The following RBFOX1 variants were observed in gnomAD, a reference collection of about 807,000 sequenced individuals.
The protein encoded by RBFOX1 is RNA binding fox-1 homolog 1, also known as RNA binding protein fox-1 homolog 1.
A neutral mutation model predicts 57.7 loss-of-function variants in RBFOX1; 8 were observed. The ratio of observed to expected loss-of-function variants is 0.14; its 90% CI spans 0.08 to 0.25. The LOEUF (loss-of-function observed/expected upper bound fraction) is 0.25. RBFOX1 is among the 10% of genes least tolerant of loss of function. The pLI is 1.00. For missense variants in RBFOX1, 611 were observed against 548.5 expected (o/e 1.11, Z -1.14); for synonymous variants, 326 against 222.4 (o/e 1.47, Z -4.15).
chr16:7,146,296 C>T (rs539538562), intron 4 of RBFOX1, among the ~76,000 whole-genome samples: 1 of 152,296 alleles, frequency 6.6e-6, no homozygotes, highest in African/African-American at 2.4e-5. Flanking sequence ...AAAATGATAG[C>T]TCTGCTTGCT....
intron 4 of RBFOX1, among the ~76,000 whole-genome samples, chr16:7,326,326 A>G (rs1444128957): frequency 6.6e-6 from 1 of 152,098 alleles, no homozygotes; most frequent in Non-Finnish European, 1.5e-5. Flanking sequence ...GAGTGCTGGG[A>G]TTGGAGCAGG....
At chr16:7,454,323 T>C (rs1016544062) in intron 4 of RBFOX1, among the ~76,000 whole-genome samples, 1 of 152,206 alleles carries the variant, frequency 6.6e-6, no homozygotes, top group African/African-American at 2.4e-5. Context: ...GACAGAATGC[T>C]GGTGAAGTAG....
intron 3 of RBFOX1, among the ~76,000 whole-genome samples, chr16:6,801,603 G>A (rs995162221): frequency 6.6e-6 from 1 of 152,002 alleles, no homozygotes; most frequent in East Asian, 1.9e-4. Context: ...AGATGGCCAG[G>A]AGACTCATGT....
chr16:7,252,064 A>C lies in RBFOX1; in HGVS notation c.27+199966A>C, dbSNP rs375589873. Among the ~76,000 whole-genome samples the C allele has an allele frequency of 1.1e-4, 16 of 152,330 alleles. No homozygotes were observed. The East Asian group carries it at 2.7e-3, about 26-fold the overall frequency. On this transcript the variant is annotated intron_variant, in intron 4 of 15. Transcript: ENST00000550418. ...GGAGAAGGATATTGTGTTCTAGCAC[A>C]CTGCAAACATGGTTACTGAATTTGA...
upstream of RBFOX1, among the ~76,000 whole-genome samples, chr16:6,018,058 C>T (rs554451091): frequency 6.6e-6 from 1 of 152,304 alleles, no homozygotes; most frequent in Non-Finnish European, 1.5e-5. Flanking sequence ...GTCCTGGTTC[C>T]TTGCCAGCTA....
chr16:5,747,662 TG>T (rs1331894317), intron 3 of RBFOX1, among the ~76,000 whole-genome samples: 1 of 152,172 alleles, frequency 6.6e-6, no homozygotes, highest in African/African-American at 2.4e-5. Context: ...CTAGTTTTTT[TG>T]CGTAGAGGTG....
intron 4 of RBFOX1, among the ~76,000 whole-genome samples, chr16:7,245,778 T>C (rs954346320): frequency 6.6e-6 from 1 of 152,240 alleles, no homozygotes; most frequent in Non-Finnish European, 1.5e-5. Flanking sequence ...GCCCTTTTTG[T>C]CCATCAGTCT....
chr16:7,262,711 G>T (rs746258987), intron 4 of RBFOX1, among the ~76,000 whole-genome samples: 4 of 152,250 alleles, frequency 2.6e-5, no homozygotes, highest in Non-Finnish European at 5.9e-5. Flanking sequence ...AGGTGTCTTG[G>T]TTATCACCAA....
chr16:5,694,193 G>T (rs542508022), intron 3 of RBFOX1, among the ~76,000 whole-genome samples: 2 of 152,176 alleles, frequency 1.3e-5, no homozygotes, highest in Non-Finnish European at 2.9e-5. Context: ...ATTTTTCACA[G>T]CCTAACTGGG....
chr16:7,693,372 C>T (rs2077800285), intron 14 of RBFOX1: 4 of 1,514,014 alleles, frequency 2.6e-6, no homozygotes, highest in African/African-American at 1.4e-5. Flanking sequence ...CTGCAGGTAA[C>T]AAACGTTGCT....
chr16:7,302,621 T>C (rs1346196066), intron 4 of RBFOX1, among the ~76,000 whole-genome samples: 1 of 151,400 alleles, frequency 6.6e-6, no homozygotes, highest in Middle Eastern at 3.4e-3. Flanking sequence ...AGCTGATCTC[T>C]TGGTCTGAAA....
chr16:7,124,485 C>T (rs920280198), intron 4 of RBFOX1, among the ~76,000 whole-genome samples: 11 of 149,776 alleles, frequency 7.3e-5, no homozygotes. Flanking sequence ...ACCAACCATC[C>T]TCCCTCCCTT....
chr16:7,517,138 C>CATGTGTGTGTGTGTGT (rs1354039473), intron 4 of RBFOX1, among the ~76,000 whole-genome samples: 2 of 130,126 alleles, frequency 1.5e-5, no homozygotes, highest in Admixed American at 1.6e-4. Flanking sequence ...TTTCTTATGC[C>CATGTGTGTGTGTGTGT]GTGTGTGTGT....
chr16:5,597,998 C>T (rs2047242771), intron 2 of RBFOX1, among the ~76,000 whole-genome samples: 1 of 152,084 alleles, frequency 6.6e-6, no homozygotes, highest in Non-Finnish European at 1.5e-5. Flanking sequence ...GGTGAAAATG[C>T]ACAAGAAATA....
At chr16:7,214,530 C>T (rs1344945245) in intron 4 of RBFOX1, among the ~76,000 whole-genome samples, 2 of 151,970 alleles carry the variant, frequency 1.3e-5, no homozygotes, top group African/African-American at 2.4e-5. Context: ...GTCTCTCAGA[C>T]AGGAAACCGC....
At chr16:6,970,533 C>T (rs576928920) in intron 3 of RBFOX1, among the ~76,000 whole-genome samples, 15 of 152,080 alleles carry the variant, frequency 9.9e-5, no homozygotes, top group African/African-American at 1.4e-4. Flanking sequence ...ATTCAGTGTC[C>T]GGTGAGGGCT....
intron 3 of RBFOX1, among the ~76,000 whole-genome samples, chr16:6,690,526 A>G (rs990667521): frequency 6.7e-6 from 1 of 149,426 alleles, no homozygotes; most frequent in African/African-American, 2.5e-5. Flanking sequence ...TATAAGTAAA[A>G]GGCAAACAAA....
At chr16:7,422,171 T>C (rs2098549330) in intron 4 of RBFOX1, among the ~76,000 whole-genome samples, 1 of 152,148 alleles carries the variant, frequency 6.6e-6, no homozygotes, top group Admixed American at 6.5e-5. Context: ...TGCGTGTGTG[T>C]GCGTGTGCTT....
intron 2 of RBFOX1, among the ~76,000 whole-genome samples, chr16:6,417,755 A>G (rs1308556446): frequency 1.5e-5 from 2 of 135,242 alleles, no homozygotes; most frequent in African/African-American, 5.9e-5. Context: ...GGTTTGTTGC[A>G]TAAGTAAGCT....
Sources: allele counts gnomAD v4.1 joint callset (sites outside exome capture counted in the v4.1 genomes callset), GRCh38; gene constraint gnomAD v4.1.1; transcripts MANE v1.5; gene names NCBI Gene and HGNC (gene_info 2026-07-23, HGNC 2026-07-21).